NTNG1: variants seen among roughly 807,000 people sequenced by gnomAD.
NTNG1 encodes the protein netrin-G1.
In NTNG1, 16 loss-of-function variants were observed where a neutral mutation model predicts 54.0. That is an observed-to-expected ratio of 0.30 (90% CI 0.20 to 0.45). The LOEUF is 0.45. Among genes scored for constraint, NTNG1 ranks in the 20% least tolerant of loss-of-function variants. NTNG1 has a pLI of 1.00. For missense variants in NTNG1, 530 were observed against 678.7 expected (o/e 0.78, Z 2.43); for synonymous variants, 255 against 263.1 (o/e 0.97, Z 0.30).
At chr1:107,201,949 C>A (rs1479419619) in intron 2 of NTNG1, among the ~76,000 whole-genome samples, 1 of 151,836 alleles carries the variant, frequency 6.6e-6, no homozygotes, top group East Asian at 1.9e-4. Context: ...CTCCTCTGTT[C>A]TATAGTTTTA....
At chr1:107,213,980 A>G (rs1040030600) in intron 2 of NTNG1, among the ~76,000 whole-genome samples, 2 of 152,078 alleles carry the variant, frequency 1.3e-5, no homozygotes, top group African/African-American at 4.8e-5. Context: ...CCTTCATCAG[A>G]CATATGTATG....
At chr1:107,396,985 A>T (rs891570894) in intron 4 of NTNG1, among the ~76,000 whole-genome samples, 1 of 152,162 alleles carries the variant, frequency 6.6e-6, no homozygotes, top group Non-Finnish European at 1.5e-5. Flanking sequence ...CACTGGAAAG[A>T]CTTTCTTGTT....
chr1:107,381,570 T>C (rs780032287), intron 3 of NTNG1, among the ~76,000 whole-genome samples: 5 of 152,194 alleles, frequency 3.3e-5, no homozygotes, highest in Non-Finnish European at 7.3e-5. Flanking sequence ...TGCAGATTGC[T>C]GCTCAATCCA....
At chr1:107,159,306 T>C (rs1046427234) in intron 2 of NTNG1, among the ~76,000 whole-genome samples, 1 of 152,200 alleles carries the variant, frequency 6.6e-6, no homozygotes, top group Admixed American at 6.5e-5. Flanking sequence ...CTCAGAATCA[T>C]GTTCTATTTA....
intron 3 of NTNG1, among the ~76,000 whole-genome samples, chr1:107,392,435 G>A (rs996231852): frequency 6.6e-6 from 1 of 152,058 alleles, no homozygotes; most frequent in Non-Finnish European, 1.5e-5. Context: ...AGCTGGCTGT[G>A]CTAGGCCAGA....
chr1:107,450,531 A>G (rs1224172049), intron 7 of NTNG1, among the ~76,000 whole-genome samples: 1 of 152,138 alleles, frequency 6.6e-6, no homozygotes, highest in Non-Finnish European at 1.5e-5. Flanking sequence ...ATCAATTTAC[A>G]AACAAATGAC....
At chr1:107,333,337 A>G (rs1283093160) in intron 3 of NTNG1, among the ~76,000 whole-genome samples, 3 of 152,030 alleles carry the variant, frequency 2.0e-5, no homozygotes, top group Non-Finnish European at 2.9e-5. Flanking sequence ...TGAGATTTTT[A>G]TACTATTTTA....
chr1:107,440,799 AG>A (rs1276060153), intron 7 of NTNG1, among the ~76,000 whole-genome samples: 1 of 152,090 alleles, frequency 6.6e-6, no homozygotes, highest in East Asian at 1.9e-4. Context: ...TAAAAACTCC[AG>A]GCTCATCAGC....
chr1:107,174,883 A>T (rs183093945), intron 2 of NTNG1, among the ~76,000 whole-genome samples: 3 of 152,190 alleles, frequency 2.0e-5, no homozygotes, highest in Admixed American at 2.0e-4. Flanking sequence ...TACTTCACTA[A>T]TAATGACTGG....
intron 2 of NTNG1, among the ~76,000 whole-genome samples, chr1:107,220,672 A>C (rs1660280484): frequency 6.6e-6 from 1 of 152,206 alleles, no homozygotes; most frequent in South Asian, 2.1e-4. Flanking sequence ...TGTGTCTCAT[A>C]GGATTGTTGT....
rs566970531 is a variant in NTNG1 at position 107,384,262 on chromosome 1, C to G, written c.888-10892C>G. Among the ~76,000 whole-genome samples, 5 of 152,306 alleles carry G rather than the reference C, an allele frequency of 3.3e-5. No individual in the cohort carries two copies. The South Asian group carries it at 1.0e-3, about 32-fold the overall frequency. ...ATTATCTAATAGAACCAGCAGTTTA[C>G]TGAATCATGTAATCTGATGCTTCAC... On this transcript the variant is annotated intron_variant, in intron 3 of 7. Transcript: ENST00000370068.
At chr1:107,455,610 ACTC>A (rs1352412011) in intron 7 of NTNG1, 2 of 496,268 alleles carry the variant, frequency 4.0e-6, no homozygotes, top group Non-Finnish European at 4.0e-6. Flanking sequence ...AAGTGACTCT[ACTC>A]CACAGCTCTG....
chr1:107,423,281 C>A (rs1214953333), intron 5 of NTNG1, among the ~76,000 whole-genome samples: 3 of 151,952 alleles, frequency 2.0e-5, no homozygotes, highest in African/African-American at 7.3e-5. Context: ...GTGGATTTTG[C>A]CCCCCAGGGG....
intron 2 of NTNG1, among the ~76,000 whole-genome samples, chr1:107,210,451 G>A (rs1046663068): frequency 2.0e-5 from 3 of 152,178 alleles, no homozygotes; most frequent in South Asian, 2.1e-4. Flanking sequence ...TGGGCCACTC[G>A]AGGATGAAGG....
intron 4 of NTNG1, among the ~76,000 whole-genome samples, chr1:107,406,596 CTCCT>C (rs1489208543): frequency 5.9e-5 from 9 of 152,140 alleles, no homozygotes; most frequent in Non-Finnish European, 1.5e-5. Flanking sequence ...ATCGCATGCT[CTCCT>C]ACCCAAATTA....
chr1:107,334,598 C>A (rs977279144), intron 3 of NTNG1, among the ~76,000 whole-genome samples: 3 of 151,316 alleles, frequency 2.0e-5, no homozygotes, highest in African/African-American at 7.3e-5. Flanking sequence ...ATTGCAAAAT[C>A]ATTTCTTTTA....
At chr1:107,229,547 A>G (rs1304486689) in intron 2 of NTNG1, among the ~76,000 whole-genome samples, 9 of 151,964 alleles carry the variant, frequency 5.9e-5, no homozygotes, top group Non-Finnish European at 1.5e-5. Context: ...ATGAGAATTT[A>G]TGGAAAGGGT....
Position 107,460,191 on chromosome 1 carries a change from G to C in NTNG1, c.1391-20420G>C, listed in dbSNP as rs11804175. 2.0e-3 allele frequency among the ~76,000 whole-genome samples: 301 copies of C among 152,206 alleles called. 1 individual carries two copies. Among genetic ancestry groups the C allele is most frequent in the African/African-American group, 6.8e-3 (282 of 41,536 alleles). ...CAGATGGTTAGTCTGGGTTCTCGTC[G>C]TGAGCTTCATGAAACTCAGCTCATG... On this transcript the variant is annotated intron_variant, in intron 7 of 7. Transcript: ENST00000370068.
intron 2 of NTNG1, among the ~76,000 whole-genome samples, chr1:107,230,756 G>A (rs947895237): frequency 1.3e-5 from 2 of 151,834 alleles, no homozygotes; most frequent in Admixed American, 6.6e-5. Flanking sequence ...TCTTAGGTCT[G>A]CCAAAACTTT....
Sources: gnomAD v4.1 joint callset for allele counts (sites outside exome capture counted in the v4.1 genomes callset) on GRCh38, gnomAD v4.1.1 for gene constraint, MANE v1.5 for transcripts, NCBI Gene and HGNC (gene_info 2026-07-23, HGNC 2026-07-21) for gene names.